Variants in OR5K1 observed in about 807,000 individuals in gnomAD.
OR5K1 encodes olfactory receptor 5K1.
OR5K1 carries 7 observed loss-of-function variants against 10.4 expected under a neutral mutation model. That is an observed-to-expected ratio of 0.67 (90% CI 0.38 to 1.26). The LOEUF (loss-of-function observed/expected upper bound fraction) is 1.26, where lower values mean the gene tolerates loss of function less well. OR5K1 is among the 50% of genes most tolerant of loss of function. The pLI is 0.02. For synonymous variants in OR5K1, 135 were observed against 128.5 expected, an observed-to-expected ratio of 1.05 and a Z score of -0.34; for missense variants, 435 against 366.2, an observed-to-expected ratio of 1.19 and a Z score of -1.53.
At chr3:98,468,009 A>AG (rs1705395332) in intron 1 of OR5K1, among the ~76,000 whole-genome samples, 1 of 152,062 alleles carries the variant, frequency 6.6e-6, no homozygotes, top group Non-Finnish European at 1.5e-5. Flanking sequence ...CCAGTTTTTA[A>AG]CCTTTTTCTT....
intron 1 of OR5K1, among the ~76,000 whole-genome samples, chr3:98,466,908 A>T (rs1359853801): frequency 8.5e-6 from 1 of 117,612 alleles, no homozygotes; most frequent in African/African-American, 4.0e-5. Context: ...GTTTAATTAG[A>T]TCCCATTTGT....
At position 98,470,066 on chromosome 3, in the gene OR5K1, TTTAGG is replaced by T. The variant is rs1329686961; in HGVS notation, c.495_499del (p.Arg165SerfsTer14). 1 of 1,613,676 alleles carries T rather than the reference TTTAGG, an allele frequency of 6.2e-7. No homozygotes were observed. The highest frequency in any genetic ancestry group is 1.3e-5 in the African/African-American group (1 of 74,992). On this transcript the variant is annotated frameshift_variant, in exon 2 of 2. Coordinates refer to ENST00000642057, the MANE Select transcript of OR5K1 (RefSeq NM_001004736.4). LOFTEE classifies it high-confidence loss of function. ...TTCCATGATTCATGTAGGGCTTGTA[TTTAGG>T]TTAGTTTTCTGTGGATCGAATCACA...
intron 1 of OR5K1, among the ~76,000 whole-genome samples, chr3:98,463,825 A>G (rs754996785): frequency 1.3e-5 from 2 of 152,210 alleles, no homozygotes; most frequent in Admixed American, 1.3e-4. Flanking sequence ...ATTTATTTCT[A>G]TCTGACCAAT....
intron 1 of OR5K1, among the ~76,000 whole-genome samples, chr3:98,467,980 G>A (rs941698159): frequency 6.6e-6 from 1 of 152,008 alleles, no homozygotes; most frequent in Non-Finnish European, 1.5e-5. Flanking sequence ...TCTTGTGCCA[G>A]TTTTCAAAGG....
intron 1 of OR5K1, among the ~76,000 whole-genome samples, chr3:98,464,704 T>C (rs1266988578): frequency 1.3e-5 from 2 of 152,148 alleles, no homozygotes; most frequent in South Asian, 2.1e-4. Flanking sequence ...TGAAAACACA[T>C]GACATTTGAA....
chr3:98,465,641 T>A (rs1337375494), intron 1 of OR5K1, among the ~76,000 whole-genome samples: 1 of 152,118 alleles, frequency 6.6e-6, no homozygotes, highest in Non-Finnish European at 1.5e-5. Context: ...AAAATAAATA[T>A]AGCCTCATAG....
intron 1 of OR5K1, 106 bp from the exon 2 acceptor site, chr3:98,469,460 T>C (rs1705414077): frequency 9.2e-7 from 1 of 1,082,190 alleles, no homozygotes; most frequent in Non-Finnish European, 1.3e-6. Context: ...CCAGGCAACA[T>C]GAGGAAACAT....
chr3:98,470,274 G>A lies in OR5K1; in HGVS notation c.698G>A (p.Gly233Glu). 1.2e-6 allele frequency: 2 copies of A among 1,613,192 alleles called. No homozygotes were observed. Among genetic ancestry groups the A allele is most frequent in the Non-Finnish European group, 1.7e-6 (2 of 1,179,506 alleles). Reference sequence around the variant, plus strand: ...ATTTTCAAAATGAAATCCAAAGAGGGAAGGGCCAAAGCTTTTTCTACCTGT... The same window carrying A: ...ATTTTCAAAATGAAATCCAAAGAGGAAAGGGCCAAAGCTTTTTCTACCTGT... ...LTIFKMKSKE[G>E]RAKAFSTCAS... Residue 233 changes from glycine to glutamate, a missense_variant, in exon 2 of 2, where the codon GGA (glycine) becomes GAA (glutamate). Transcript: ENST00000642057.
In OR5K1 at chr3:98,469,866, G is replaced by T. The variant is rs754526631; in HGVS notation, c.290G>T (p.Cys97Phe). The T allele has an allele frequency of 6.8e-6, 11 of 1,613,672 alleles. No individual in the cohort carries two copies. The change falls in exon 2 of 2, where the codon TGT (cysteine) becomes TTT (phenylalanine). Residue 97 changes from cysteine (C) to phenylalanine (F), a missense_variant. Coordinates refer to ENST00000642057, the MANE Select transcript of OR5K1 (RefSeq NM_001004736.4). ...AACAAAAGGATTTCCCTCTATGAAT[G>T]TGCAGTACAGTTTTATTTTCTTTGC... ...SENKRISLYE[C>F]AVQFYFLCTV...
chr3:98,471,501 A>T lies in OR5K1; in HGVS notation c.*998A>T, dbSNP rs907451613. ...TCATTTTAAAAATTACTTTCCAATT[A>T]TTCACTCAACATATATTTATTGAAA... On this transcript the variant is annotated 3_prime_UTR_variant, in exon 2 of 2. Transcript: ENST00000642057. 1.3e-5 allele frequency: 2 copies of T among 151,984 alleles called. No homozygotes were observed. The highest frequency in any genetic ancestry group is 4.8e-5 in the African/African-American group (2 of 41,410). The allele number at this position is 151,984 out of a possible 1,614,324, so 9.4% of individuals were successfully genotyped here. A position where few individuals can be genotyped will look rare whatever the true frequency, so the allele number is the denominator to read the frequency against.
chr3:98,471,160 AAG>A lies in OR5K1; in HGVS notation c.*662_*663del, dbSNP rs1328349229. The A allele has an allele frequency of 1.3e-5, 2 of 152,076 alleles. No homozygotes were observed. Among genetic ancestry groups the A allele is most frequent in the Non-Finnish European group, 2.9e-5 (2 of 68,000 alleles). The allele number at this position is 152,076 out of a possible 1,614,324, so 9.4% of individuals were successfully genotyped here. ...GTCAATTTTCAAGTCAAGCTACATT[AAG>A]AGAGTTTTATCTACTCCCATATCTA... On this transcript the variant is annotated 3_prime_UTR_variant, in exon 2 of 2. Transcript: ENST00000642057.
chr3:98,470,053 T>C lies in OR5K1; in HGVS notation c.477T>C (p.His159=). ...FIAGNLHSMI[H]VGLVFRLVFC... is the part of the protein sequence containing the mutation. ...CTGGAAACCTGCATTCCATGATTCA[T>C]GTAGGGCTTGTATTTAGGTTAGTTT... Residue 159 remains histidine, a synonymous_variant, in exon 2 of 2, where the codon CAT becomes CAC. Coordinates refer to ENST00000642057, the MANE Select transcript of OR5K1 (RefSeq NM_001004736.4). The C allele has an allele frequency of 6.2e-7, 1 of 1,613,664 alleles. No homozygotes were observed.
Position 98,472,163 on chromosome 3 carries a change from G to A in OR5K1, c.*1660G>A, listed in dbSNP as rs563293823. On this transcript the variant is annotated 3_prime_UTR_variant, in exon 2 of 2. Coordinates refer to ENST00000642057, the MANE Select transcript of OR5K1 (RefSeq NM_001004736.4). ...CATCACTTCAGGTATCTACGTCCAT[G>A]TCTACTCCTCAGGCTGCATTGATTT... The A allele has an allele frequency of 6.6e-6, 1 of 151,922 alleles. No individual in the cohort carries two copies. The highest frequency in any genetic ancestry group is 1.5e-5 in the Non-Finnish European group (1 of 67,962). 9.4% of individuals were successfully genotyped at this position (151,922 alleles called of 1,614,324 possible).
At chr3:98,468,480 G>A (rs1284515935) in intron 1 of OR5K1, among the ~76,000 whole-genome samples, 1 of 151,274 alleles carries the variant, frequency 6.6e-6, no homozygotes, top group Non-Finnish European at 1.5e-5. Context: ...TTAAGAAATA[G>A]CTCCCTGTGC....
Position 98,471,172 on chromosome 3 carries a change from T to G in OR5K1, c.*669T>G, listed in dbSNP as rs1364027926. 6.6e-6 allele frequency: 1 copy of G among 152,020 alleles called. No individual in the cohort carries two copies. The highest frequency in any genetic ancestry group is 2.4e-5 in the African/African-American group (1 of 41,402). The allele number at this position is 152,020 out of a possible 1,614,324, so 9.4% of individuals were successfully genotyped here. A position where few individuals can be genotyped will look rare whatever the true frequency, so the allele number is the denominator to read the frequency against. ...GTCAAGCTACATTAAGAGAGTTTTA[T>G]CTACTCCCATATCTACCTGCATAAA... On this transcript the variant is annotated 3_prime_UTR_variant, in exon 2 of 2. Transcript: ENST00000642057.
At position 98,469,715 on chromosome 3, in the gene OR5K1, G is replaced by T. The variant is rs1705417895; in HGVS notation, c.139G>T (p.Ala47Ser). The T allele has an allele frequency of 6.2e-7, 1 of 1,613,730 alleles. No homozygotes were observed. Among genetic ancestry groups the T allele is most frequent in the African/African-American group, 1.3e-5 (1 of 74,992 alleles). The change falls in exon 2 of 2, where the codon GCA becomes TCA. Residue 47 changes from alanine (A) to serine (S), a missense_variant. By Grantham distance (99) the Ala-to-Ser change is moderately conservative. Coordinates refer to ENST00000642057, the MANE Select transcript of OR5K1 (RefSeq NM_001004736.4). ...CGTGGTGGGGAATATTAGTTTGGTG[G>T]CACTGATATTTACACACCGTCGGCT... Reference protein sequence around the residue: ...ITVVGNISLVALIFTHRRLHT... With the variant: ...ITVVGNISLVSLIFTHRRLHT...
chr3:98,471,061 G>A lies in OR5K1; in HGVS notation c.*558G>A, dbSNP rs1479340056. On this transcript the variant is annotated 3_prime_UTR_variant, in exon 2 of 2. Transcript: ENST00000642057. ...GTTAGAAAGGAAGTATTAGGAAAAC[G>A]AAGGTGTCAAATAATAGTGAATATC... is the stretch of plus-strand genomic sequence containing the variant. 5 of 152,020 alleles carry A rather than the reference G, an allele frequency of 3.3e-5. No homozygotes were observed. The highest frequency in any genetic ancestry group is 4.8e-5 in the African/African-American group (2 of 41,416). 9.4% of individuals were successfully genotyped at this position (152,020 alleles called of 1,614,324 possible). A position where few individuals can be genotyped will look rare whatever the true frequency, so the allele number is the denominator to read the frequency against.
chr3:98,464,981 T>G (rs374573613), intron 1 of OR5K1, among the ~76,000 whole-genome samples: 2 of 152,176 alleles, frequency 1.3e-5, no homozygotes, highest in Non-Finnish European at 2.9e-5. Flanking sequence ...CTTAATCAAG[T>G]TATAAAACAC....
chr3:98,468,759 A>C (rs1378378785), intron 1 of OR5K1, among the ~76,000 whole-genome samples: 14 of 152,126 alleles, frequency 9.2e-5, no homozygotes, highest in Admixed American at 7.9e-4. Flanking sequence ...GACTATTATG[A>C]ATAATGCTGC....
Sources: allele counts gnomAD v4.1 joint callset (sites outside exome capture counted in the v4.1 genomes callset), GRCh38; gene constraint gnomAD v4.1.1; transcripts MANE v1.5; gene names NCBI Gene and HGNC (gene_info 2026-07-23, HGNC 2026-07-21).